The following ZNF875 variants were observed in gnomAD, a reference collection of about 807,000 sequenced individuals.
ZNF875 encodes the protein zinc finger protein 875.
Under a neutral mutation model 11.2 loss-of-function variants are expected in ZNF875, and 14 were observed. The observed-to-expected ratio is 1.26, with a 90% CI of 0.83 to 1.96. The LOEUF (loss-of-function observed/expected upper bound fraction) is 1.96, where lower values mean the gene tolerates loss of function less well. ZNF875 is among the 30% of genes most tolerant of loss of function. ZNF875 has a pLI of 0.00. For synonymous variants in ZNF875, 301 were observed against 281.1 expected, an observed-to-expected ratio of 1.07 and a Z score of -0.71; for missense variants, 752 against 760.4, an observed-to-expected ratio of 0.99 and a Z score of 0.13.
chr19:37,348,470 TGTATG>T (rs2037253315), intron 4 of ZNF875, among the ~76,000 whole-genome samples: 1 of 152,232 alleles, frequency 6.6e-6, no homozygotes, highest in Admixed American at 6.5e-5. Context: ...TTCCTTCATA[TGTATG>T]AATCGCTAAA....
At chr19:37,321,088 C>T (rs537536456) in intron 1 of ZNF875, among the ~76,000 whole-genome samples, 2 of 152,092 alleles carry the variant, frequency 1.3e-5, no homozygotes, top group African/African-American at 4.8e-5. Flanking sequence ...TGTGTAAGGC[C>T]GCAGGGATCT....
chr19:37,326,765 T>G (rs995008732), intron 4 of ZNF875, among the ~76,000 whole-genome samples: 3 of 150,176 alleles, frequency 2.0e-5, no homozygotes, highest in Non-Finnish European at 4.4e-5. Flanking sequence ...CCTTCCAGAT[T>G]CAAGTGATTC....
At chr19:37,339,461 C>T (rs2035205769) in intron 2 of ZNF875, among the ~76,000 whole-genome samples, 1 of 151,450 alleles carries the variant, frequency 6.6e-6, no homozygotes, top group Non-Finnish European at 1.5e-5. Flanking sequence ...TTTTTATTCT[C>T]ATACAAAATA....
chr19:37,328,970 A>G (rs901369635), intron 4 of ZNF875: 1 of 152,218 alleles, frequency 6.6e-6, no homozygotes, highest in Non-Finnish European at 1.5e-5. Flanking sequence ...CCTGAAAATC[A>G]TGCTGGAAAT....
rs777952106 is a variant in ZNF875, at chr19:37,362,514, C to T, written c.662C>T (p.Ser221Leu). 5.0e-6 allele frequency: 8 copies of T among 1,614,058 alleles called. No individual in the cohort carries two copies. In the African/African-American group the frequency reaches 9.3e-5, roughly 19 times the overall value. The change falls in exon 5 of 5, where the codon TCA (serine) becomes TTA (leucine). Residue 221 changes from serine to leucine, a missense_variant. Transcript: ENST00000392153. ...TDKVLHGLEV[S>L]GFGEIKYEEF... ...AAAGTATTGCATGGTTTAGAAGTCT[C>T]AGGATTTGGAGAAATCAAATATGAA...
intron 2 of ZNF875, chr19:37,337,501 C>G (rs1437261076): frequency 1.3e-5 from 2 of 152,008 alleles, no homozygotes; most frequent in African/African-American, 2.4e-5. Context: ...GTCTTCCGGG[C>G]TGGTGCGATC....
At position 37,347,266 on chromosome 19, in the gene ZNF875, C is replaced by T. The variant is rs2036980897; in HGVS notation, c.110C>T (p.Thr37Ile). 6.2e-7 allele frequency: 1 copy of T among 1,613,984 alleles called. No individual in the cohort carries two copies. ...EWRLLSPAQR[T>I]LHREVMLETY... is the part of the protein sequence containing the mutation. ...AGGTTGTTGAGCCCTGCTCAGAGGACCCTGCACAGGGAGGTGATGCTGGAG... is the reference window on the plus strand; with the variant it reads ...AGGTTGTTGAGCCCTGCTCAGAGGATCCTGCACAGGGAGGTGATGCTGGAG... Residue 37 changes from threonine to isoleucine, a missense_variant, in exon 3 of 5, where the codon ACC becomes ATC. Coordinates refer to ENST00000392153, the MANE Select transcript of ZNF875 (RefSeq NM_001353803.2).
rs577717299 is a variant in ZNF875 at position 37,334,795 on chromosome 19, T to A, written c.-57+13T>A. 6.6e-6 allele frequency: 3 copies of A among 457,064 alleles called. No homozygotes were observed. The highest frequency in any genetic ancestry group is 6.9e-5 in the East Asian group (1 of 14,442). The allele number at this position is 457,064 out of a possible 1,614,324, so 28.3% of individuals were successfully genotyped here. Reference sequence around the variant, plus strand: ...GCACCCGCGTTCCGTGAGTGCCCTATAGGCAGTCAGCATGCCCCTCTGCGT... The same window carrying A: ...GCACCCGCGTTCCGTGAGTGCCCTAAAGGCAGTCAGCATGCCCCTCTGCGT... On this transcript the variant is annotated intron_variant, in intron 1 of 4. Transcript: ENST00000392153.
At position 37,343,370 on chromosome 19, in the gene ZNF875, CA is replaced by C. The variant is rs34474063; in HGVS notation, c.34-3805del. 8.0e-3 allele frequency among the ~76,000 whole-genome samples: 972 copies of C among 120,868 alleles called. 3 individuals are homozygous for C. The highest frequency in any genetic ancestry group is 0.017 in the Middle Eastern group (4 of 238). 79.3% of individuals were successfully genotyped at this position (120,868 alleles called of 152,430 possible). On this transcript the variant is annotated intron_variant, in intron 2 of 4. Transcript: ENST00000392153. ...AAATAAAGAATAAATAAAATAAAAC[CA>C]AAAAAAAAAAAAAACCAAACAAACT...
intron 4 of ZNF875, among the ~76,000 whole-genome samples, chr19:37,353,149 C>T (rs981075546): frequency 3.3e-5 from 5 of 152,198 alleles, no homozygotes; most frequent in African/African-American, 1.2e-4. Context: ...GTTCAGATTA[C>T]AGGCGTGAGC....
Position 37,344,724 on chromosome 19 carries a change from T to C in ZNF875, c.34-2466T>C, listed in dbSNP as rs1429836571. 5 of 1,613,422 alleles carry C rather than the reference T, an allele frequency of 3.1e-6. No homozygotes were observed. The Middle Eastern group carries it at 4.9e-4, about 159-fold the overall frequency. On this transcript the variant is annotated intron_variant, in intron 2 of 4. Transcript: ENST00000392153. The stretch of plus-strand genomic sequence containing the variant: ...CACAGTGTCTACAATGCTCCCTACA[T>C]GCATGGTTCACAGACAAACCATGAG...
chr19:37,326,336 A>G (rs1424450416), intron 4 of ZNF875, among the ~76,000 whole-genome samples: 1 of 151,888 alleles, frequency 6.6e-6, no homozygotes, highest in African/African-American at 2.4e-5. Context: ...CTTTATTCCC[A>G]TCTACCCCAC....
At chr19:37,320,259 T>A (rs2031145350) in intron 1 of ZNF875, among the ~76,000 whole-genome samples, 1 of 152,208 alleles carries the variant, frequency 6.6e-6, no homozygotes, top group Non-Finnish European at 1.5e-5. Context: ...TTCACATACC[T>A]CTAGCCAAAA....
intron 4 of ZNF875, 93 bp downstream of exon 4, chr19:37,347,965 T>TCC: frequency 4.0e-6 from 3 of 745,456 alleles, no homozygotes; most frequent in Non-Finnish European, 7.1e-6. Flanking sequence ...AAGCTCTTCT[T>TCC]CAGGCCTCCT....
At chr19:37,343,153 A>G (rs372928375) in intron 2 of ZNF875, among the ~76,000 whole-genome samples, 22 of 152,128 alleles carry the variant, frequency 1.4e-4, no homozygotes, top group Admixed American at 3.3e-4. Context: ...CCTGGCCAAC[A>G]TAGTGAAACC....
At position 37,344,812 on chromosome 19, in the gene ZNF875, G is replaced by A. The variant is rs139866643; in HGVS notation, c.34-2378G>A. The A allele has an allele frequency of 4.0e-3, 4,919 of 1,230,284 alleles. 24 individuals are homozygous for A. The highest frequency in any genetic ancestry group is 5.0e-3 in the Middle Eastern group (26 of 5,208). The allele number at this position is 1,230,284 out of a possible 1,614,324, so 76.2% of individuals were successfully genotyped here. ...GTGTTAAAGTAACACTAATTGCTCT[G>A]TGATGTAGCTCCTTCGTGGGAGATT... On this transcript the variant is annotated intron_variant, in intron 2 of 4. Transcript: ENST00000392153.
chr19:37,327,413 A>G (rs2032659894), intron 4 of ZNF875, among the ~76,000 whole-genome samples: 1 of 152,098 alleles, frequency 6.6e-6, no homozygotes, highest in Admixed American at 6.6e-5. Flanking sequence ...ATCATTGAAC[A>G]TTTTTGGTAA....
intron 4 of ZNF875, among the ~76,000 whole-genome samples, chr19:37,352,493 C>T (rs1306290198): frequency 6.6e-6 from 1 of 152,108 alleles, no homozygotes; most frequent in Non-Finnish European, 1.5e-5. Context: ...ATCCACCTGC[C>T]TCTGCCTCCC....
At chr19:37,343,291 C>T (rs77995386) in intron 2 of ZNF875, among the ~76,000 whole-genome samples, 3 of 150,346 alleles carry the variant, frequency 2.0e-5, no homozygotes, top group East Asian at 1.9e-4. Context: ...TGCAGTGAGC[C>T]GAGACCACGT....
Sources: gnomAD v4.1 joint callset for allele counts (sites outside exome capture counted in the v4.1 genomes callset) on GRCh38, gnomAD v4.1.1 for gene constraint, MANE v1.5 for transcripts, NCBI Gene and HGNC (gene_info 2026-07-23, HGNC 2026-07-21) for gene names.